Variants in NRG3 observed in about 807,000 individuals in gnomAD.
NRG3 encodes neuregulin 3.
A neutral mutation model predicts 66.9 loss-of-function variants in NRG3; 31 were observed. That is an observed-to-expected ratio of 0.46 (90% confidence interval 0.35 to 0.63). The LOEUF is 0.63. Among genes scored for constraint, NRG3 ranks in the 20% least tolerant of loss-of-function variants. The pLI is 0.00. For synonymous variants in NRG3, 393 were observed against 359.4 expected (o/e 1.09, Z -1.06); for missense variants, 910 against 878.9 (o/e 1.04, Z -0.45).
chr10:81,883,371 A>G (rs1842347917), intron 1 of NRG3, among the ~76,000 whole-genome samples: 1 of 152,158 alleles, frequency 6.6e-6, no homozygotes, highest in South Asian at 2.1e-4. Flanking sequence ...TTTATTTCTC[A>G]AGACAGGTTG....
At chr10:82,257,563 A>C (rs1384104756) in intron 1 of NRG3, among the ~76,000 whole-genome samples, 1 of 152,124 alleles carries the variant, frequency 6.6e-6, no homozygotes. Context: ...TGAGGTCAGG[A>C]GTTCCAGACC....
intron 7 of NRG3, among the ~76,000 whole-genome samples, chr10:82,976,636 T>A (rs1410557735): frequency 2.0e-5 from 3 of 152,132 alleles, no homozygotes; most frequent in Non-Finnish European, 4.4e-5. Context: ...AGTTTCTACC[T>A]TTTTTGTTTT....
chr10:82,931,396 G>A (rs984533353), intron 4 of NRG3, among the ~76,000 whole-genome samples: 1 of 152,182 alleles, frequency 6.6e-6, no homozygotes, highest in African/African-American at 2.4e-5. Flanking sequence ...ATTTGGGTTG[G>A]AATCTTGCCT....
chr10:82,136,413 T>C (rs763685462), intron 1 of NRG3, among the ~76,000 whole-genome samples: 8 of 151,900 alleles, frequency 5.3e-5, no homozygotes, highest in African/African-American at 1.9e-4. Context: ...TCCTTCTCTT[T>C]ATTGATGTGA....
intron 3 of NRG3, among the ~76,000 whole-genome samples, chr10:82,771,581 G>A (rs867307925): frequency 7.9e-5 from 12 of 152,194 alleles, no homozygotes; most frequent in East Asian, 1.9e-4. Context: ...GCTGGTTGCC[G>A]CAGAGGGAAA....
At chr10:82,664,262 G>A (rs934474338) in intron 2 of NRG3, among the ~76,000 whole-genome samples, 1 of 151,966 alleles carries the variant, frequency 6.6e-6, no homozygotes, top group Non-Finnish European at 1.5e-5. Flanking sequence ...ATTACTCTCT[G>A]CACCACCTCC....
intron 1 of NRG3, among the ~76,000 whole-genome samples, chr10:82,325,569 C>G (rs772733122): frequency 1.3e-5 from 2 of 151,854 alleles, no homozygotes; most frequent in African/African-American, 2.4e-5. Context: ...TTTTTGTAGG[C>G]AGCATATAAT....
intron 2 of NRG3, among the ~76,000 whole-genome samples, chr10:82,701,693 T>C (rs144914719): frequency 6.6e-6 from 1 of 152,324 alleles, no homozygotes; most frequent in African/African-American, 2.4e-5. Flanking sequence ...GCGTTAATGT[T>C]ATTTCTTTAC....
intron 1 of NRG3, among the ~76,000 whole-genome samples, chr10:81,960,051 C>T (rs1310580860): frequency 1.3e-5 from 2 of 152,082 alleles, no homozygotes; most frequent in Non-Finnish European, 2.9e-5. Context: ...TCCACATTTT[C>T]TTATGCCTAT....
intron 1 of NRG3, among the ~76,000 whole-genome samples, chr10:82,097,593 G>T (rs1016631468): frequency 2.0e-5 from 3 of 151,368 alleles, no homozygotes; most frequent in Admixed American, 6.6e-5. Context: ...ATGGCTTTTG[G>T]GTGAACATAC....
At chr10:82,692,687 T>A (rs1407751199) in intron 2 of NRG3, among the ~76,000 whole-genome samples, 2 of 152,176 alleles carry the variant, frequency 1.3e-5, no homozygotes, top group Non-Finnish European at 2.9e-5. Flanking sequence ...GGGCCTCTAG[T>A]CCATTGTGGG....
At chr10:82,709,696 C>T (rs1414031590) in intron 2 of NRG3, among the ~76,000 whole-genome samples, 1 of 152,114 alleles carries the variant, frequency 6.6e-6, no homozygotes, top group Non-Finnish European at 1.5e-5. Context: ...GATGGATGAG[C>T]CACATACCAT....
chr10:82,212,248 T>C (rs1178469288), intron 1 of NRG3, among the ~76,000 whole-genome samples: 1 of 152,152 alleles, frequency 6.6e-6, no homozygotes, highest in Non-Finnish European at 1.5e-5. Flanking sequence ...AAGCACCTCG[T>C]TGTAGATAAA....
chr10:82,422,854 G>T (rs2089179873), intron 2 of NRG3, among the ~76,000 whole-genome samples: 1 of 151,960 alleles, frequency 6.6e-6, no homozygotes, highest in South Asian at 2.1e-4. Context: ...AGAGTGGCAT[G>T]CTCAGTGTAT....
intron 1 of NRG3, among the ~76,000 whole-genome samples, chr10:81,963,676 C>T (rs187139734): frequency 6.6e-6 from 1 of 152,280 alleles, no homozygotes; most frequent in East Asian, 1.9e-4. Context: ...GACTGTTTTA[C>T]ACGACGGGAC....
chr10:82,264,150 C>T (rs757346022), intron 1 of NRG3, among the ~76,000 whole-genome samples: 32 of 152,092 alleles, frequency 2.1e-4, no homozygotes, highest in Non-Finnish European at 4.0e-4. Context: ...AACGTAGAGC[C>T]TTTGTATTAG....
intron 1 of NRG3, among the ~76,000 whole-genome samples, chr10:82,344,145 G>A (rs1421278245): frequency 6.7e-6 from 1 of 148,882 alleles, no homozygotes; most frequent in African/African-American, 2.6e-5. Flanking sequence ...CATGTGCCAT[G>A]CTGGTGTGCT....
intron 1 of NRG3, among the ~76,000 whole-genome samples, chr10:82,038,148 A>G (rs1273220429): frequency 1.3e-5 from 2 of 152,166 alleles, no homozygotes; most frequent in African/African-American, 4.8e-5. Context: ...AATCTTTTAT[A>G]AACTGAAAGC....
At chr10:82,522,229 A>G (rs141863423) in intron 2 of NRG3, among the ~76,000 whole-genome samples, 1,544 of 151,836 alleles carry the variant, frequency 0.01, 27 homozygotes, top group African/African-American at 0.035. Flanking sequence ...TTTTTAGTAG[A>G]GAAGGGGATT....
Sources: allele counts gnomAD v4.1 joint callset (sites outside exome capture counted in the v4.1 genomes callset), GRCh38; gene constraint gnomAD v4.1.1; transcripts MANE v1.5; gene names NCBI Gene and HGNC (gene_info 2026-07-23, HGNC 2026-07-21).